SNTG1: variants seen among roughly 807,000 people sequenced by gnomAD.
SNTG1 encodes the protein gamma-1-syntrophin.
In SNTG1, 39 loss-of-function variants were observed where a neutral mutation model predicts 74.7. That is an observed-to-expected ratio of 0.52 (90% CI 0.40 to 0.68). The LOEUF (loss-of-function observed/expected upper bound fraction) is 0.68. SNTG1 is among the 30% of genes least tolerant of loss of function. SNTG1 has a pLI of 0.00. For synonymous variants in SNTG1, 254 were observed against 217.1 expected (o/e 1.17, Z -1.49); for missense variants, 685 against 609.5 (o/e 1.12, Z -1.30).
At chr8:50,340,124 T>G (rs1271364570) in intron 2 of SNTG1, among the ~76,000 whole-genome samples, 1 of 151,968 alleles carries the variant, frequency 6.6e-6, no homozygotes, top group East Asian at 1.9e-4. Context: ...GGAAGAAATA[T>G]TGTTAAGATG....
intron 2 of SNTG1, among the ~76,000 whole-genome samples, chr8:50,386,830 T>C (rs1333600880): frequency 6.6e-6 from 1 of 151,648 alleles, no homozygotes; most frequent in Non-Finnish European, 1.5e-5. Context: ...ACACAAACAC[T>C]CTCCACCGGG....
At chr8:50,741,589 A>G (rs1484559852) in intron 17 of SNTG1, among the ~76,000 whole-genome samples, 2 of 152,102 alleles carry the variant, frequency 1.3e-5, no homozygotes, top group Non-Finnish European at 2.9e-5. Context: ...TATTTAGAGC[A>G]GTTTTATTCA....
At chr8:50,122,189 C>T (rs1424223579) in intron 1 of SNTG1, among the ~76,000 whole-genome samples, 1 of 141,816 alleles carries the variant, frequency 7.1e-6, no homozygotes. Context: ...CCTCTGTAGG[C>T]CACGCTGCCT....
intron 8 of SNTG1, among the ~76,000 whole-genome samples, chr8:50,485,215 G>A (rs1030131126): frequency 6.6e-6 from 1 of 152,164 alleles, no homozygotes; most frequent in African/African-American, 2.4e-5. Flanking sequence ...GGGCAGGGTT[G>A]CCCAGGTTTT....
intron 15 of SNTG1, among the ~76,000 whole-genome samples, chr8:50,700,331 G>C (rs1176425285): frequency 1.3e-5 from 2 of 152,104 alleles, no homozygotes; most frequent in Non-Finnish European, 2.9e-5. Context: ...AGGCAGCAAA[G>C]GTAGAAACTC....
In SNTG1 at chr8:50,537,071, C is replaced by A. The variant is rs565623067; in HGVS notation, c.680+263C>A. 1.1e-4 allele frequency among the ~76,000 whole-genome samples: 17 copies of A among 152,232 alleles called. No homozygotes were observed. The South Asian group carries it at 3.3e-3, about 30-fold the overall frequency. On this transcript the variant is annotated intron_variant, in intron 11 of 18. Coordinates refer to ENST00000642720, the MANE Select transcript of SNTG1 (RefSeq NM_018967.5). ...ATAGTTTTATTAAGTTTTCATATTTCATATTTGTTAATTGTTTACTTCTCA... is the reference window on the plus strand; with the variant it reads ...ATAGTTTTATTAAGTTTTCATATTTAATATTTGTTAATTGTTTACTTCTCA...
intron 17 of SNTG1, among the ~76,000 whole-genome samples, chr8:50,738,165 G>A (rs528084359): frequency 6.6e-5 from 10 of 152,150 alleles, no homozygotes; most frequent in African/African-American, 1.4e-4. Flanking sequence ...AAACCCCATC[G>A]TCTCAGACCA....
intron 1 of SNTG1, among the ~76,000 whole-genome samples, chr8:50,062,825 T>A (rs1034532367): frequency 6.6e-6 from 1 of 152,248 alleles, no homozygotes; most frequent in Non-Finnish European, 1.5e-5. Context: ...ATTTCATATA[T>A]TTTGTATTTT....
At chr8:50,544,433 G>A (rs2094371314) in intron 11 of SNTG1, among the ~76,000 whole-genome samples, 1 of 151,182 alleles carries the variant, frequency 6.6e-6, no homozygotes, top group Non-Finnish European at 1.5e-5. Context: ...TCTTTCTTTT[G>A]GTTCTATTTT....
intron 10 of SNTG1, among the ~76,000 whole-genome samples, chr8:50,535,319 C>T (rs1006720459): frequency 2.0e-5 from 3 of 152,122 alleles, no homozygotes; most frequent in Non-Finnish European, 4.4e-5. Flanking sequence ...CTTAAGACCT[C>T]GCCACCTTGT....
chr8:50,133,610 T>A (rs2081382244), intron 1 of SNTG1, among the ~76,000 whole-genome samples: 1 of 152,152 alleles, frequency 6.6e-6, no homozygotes, highest in South Asian at 2.1e-4. Context: ...AGAAGCTGCC[T>A]CCTGGCCCCT....
At chr8:50,303,621 G>T (rs1190318322) in intron 2 of SNTG1, among the ~76,000 whole-genome samples, 2 of 151,894 alleles carry the variant, frequency 1.3e-5, no homozygotes, top group African/African-American at 4.8e-5. Flanking sequence ...CAAATAGTAG[G>T]TGAATTTACA....
Position 50,621,950 on chromosome 8 carries a change from A to C in SNTG1, c.849+31033A>C, listed in dbSNP as rs1437173012. Among the ~76,000 whole-genome samples, 6 of 152,292 alleles carry C rather than the reference A, an allele frequency of 3.9e-5. 1 individual carries two copies. In the East Asian group the frequency reaches 1.2e-3, roughly 29 times the overall value. On this transcript the variant is annotated intron_variant, in intron 13 of 18. Coordinates refer to ENST00000642720, the MANE Select transcript of SNTG1 (RefSeq NM_018967.5). ...CTTTCTGTCTTCTTTCCTCTGCTCC[A>C]GCCTTGCTCCTATATGGGCTAGGTG...
At chr8:50,498,544 G>A (rs1303120458) in intron 8 of SNTG1, among the ~76,000 whole-genome samples, 2 of 151,890 alleles carry the variant, frequency 1.3e-5, no homozygotes, top group African/African-American at 4.8e-5. Flanking sequence ...CTCAAAGTTT[G>A]TGACTTTCTT....
At chr8:50,603,833 C>T (rs182778815) in intron 13 of SNTG1, among the ~76,000 whole-genome samples, 2 of 152,284 alleles carry the variant, frequency 1.3e-5, no homozygotes, top group East Asian at 1.9e-4. Flanking sequence ...AAGACTCCCT[C>T]TCTGTGCTGA....
chr8:49,937,581 A>G (rs889603307), intron 1 of SNTG1, among the ~76,000 whole-genome samples: 1 of 152,184 alleles, frequency 6.6e-6, no homozygotes. Flanking sequence ...AGATCTAACT[A>G]TGGTTTTTCA....
intron 2 of SNTG1, among the ~76,000 whole-genome samples, chr8:50,181,134 A>T (rs1167501249): frequency 3.9e-5 from 6 of 152,080 alleles, no homozygotes. Context: ...GTCACTTCAC[A>T]CAGCCCTGTC....
At chr8:50,224,097 A>G (rs762265144) in intron 2 of SNTG1, among the ~76,000 whole-genome samples, 3 of 152,196 alleles carry the variant, frequency 2.0e-5, no homozygotes, top group Non-Finnish European at 4.4e-5. Flanking sequence ...TATAATATGC[A>G]TAATAATGAA....
Position 50,225,669 on chromosome 8 carries a change from C to T in SNTG1, c.-28+53034C>T, listed in dbSNP as rs139551815. Among the ~76,000 whole-genome samples, 180 of 152,220 alleles carry T rather than the reference C, an allele frequency of 1.2e-3. 2 individuals carry two copies. The highest frequency in any genetic ancestry group is 1.7e-3 in the African/African-American group (69 of 41,518). ...TTACAGAGCTTGAGTCTTTTGCCAACGCCATTAATATTTCTTCTTTTAACT... is the reference window on the plus strand; with the variant it reads ...TTACAGAGCTTGAGTCTTTTGCCAATGCCATTAATATTTCTTCTTTTAACT... On this transcript the variant is annotated intron_variant, in intron 2 of 18. Coordinates refer to ENST00000642720, the MANE Select transcript of SNTG1 (RefSeq NM_018967.5).
Sources: allele counts gnomAD v4.1 joint callset (sites outside exome capture counted in the v4.1 genomes callset), GRCh38; gene constraint gnomAD v4.1.1; transcripts MANE v1.5; gene names NCBI Gene and HGNC (gene_info 2026-07-23, HGNC 2026-07-21).